The following CLDN18 variants were observed in gnomAD, a reference collection of about 807,000 sequenced individuals.
The protein encoded by CLDN18 is claudin-18.
In CLDN18, 20 loss-of-function variants were observed where a neutral mutation model predicts 25.0. The observed-to-expected ratio is 0.80, with a 90% CI of 0.56 to 1.16. CLDN18 has a LOEUF of 1.16. CLDN18 is among the 50% of genes most tolerant of loss of function. The pLI is 0.00. For synonymous variants in CLDN18, 125 were observed against 135.6 expected (o/e 0.92, Z 0.54); for missense variants, 297 against 345.4 (o/e 0.86, Z 1.11).
At position 138,033,466 on chromosome 3, in the gene CLDN18, C is replaced by A. The variant is rs767582259; in HGVS notation, c.*2325C>A. On this transcript the variant is annotated 3_prime_UTR_variant, in exon 5 of 5. Transcript: ENST00000183605. ...GTCCCTGGTCAGGTCTCAGGTAGTG[C>A]GGTGTGGCTCAGCTGGGTTTTTAAT... The A allele has an allele frequency of 6.6e-6, 1 of 152,198 alleles. No individual in the cohort carries two copies. Among genetic ancestry groups the A allele is most frequent in the Admixed American group, 6.5e-5 (1 of 15,280 alleles). 9.4% of individuals were successfully genotyped at this position (152,198 alleles called of 1,614,324 possible). A position where few individuals can be genotyped will look rare whatever the true frequency, so the allele number is the denominator to read the frequency against.
At position 138,031,933 on chromosome 3, in the gene CLDN18, C is replaced by A. The variant is rs1048255097; in HGVS notation, c.*792C>A. The A allele has an allele frequency of 2.0e-5, 3 of 152,144 alleles. No individual in the cohort carries two copies. The highest frequency in any genetic ancestry group is 7.2e-5 in the African/African-American group (3 of 41,416). 9.4% of individuals were successfully genotyped at this position (152,144 alleles called of 1,614,324 possible). On this transcript the variant is annotated 3_prime_UTR_variant, in exon 5 of 5. Coordinates refer to ENST00000183605, the MANE Select transcript of CLDN18 (RefSeq NM_016369.4). ...ATGTTTTAGTAAAATGATACACTAT[C>A]TCTGTGAAATAGCCTCACCCCTACA... is the stretch of plus-strand genomic sequence containing the variant.
chr3:138,018,629 C>T (rs1942237800), intron 1 of CLDN18, among the ~76,000 whole-genome samples: 1 of 151,986 alleles, frequency 6.6e-6, no homozygotes, highest in African/African-American at 2.4e-5. Context: ...AGCCACCGCA[C>T]CCGGCCCTCA....
rs78373500 is a variant in CLDN18 at position 138,030,195 on chromosome 3, C to A, written c.614+288C>A. Among the ~76,000 whole-genome samples, 87 of 152,300 alleles carry A rather than the reference C, an allele frequency of 5.7e-4. 2 individuals are homozygous for A. In the East Asian group the frequency reaches 0.016, roughly 28 times the overall value. ...TTCTCAACTAGGAGCAATTTCCCCC[C>A]CAGGGGATATCTGGCAACACGTGAA... On this transcript the variant is annotated intron_variant, in intron 4 of 4. Transcript: ENST00000183605.
chr3:138,007,411 G>C (rs1942080632), upstream of CLDN18, among the ~76,000 whole-genome samples: 3 of 152,310 alleles, frequency 2.0e-5, no homozygotes, highest in South Asian at 6.2e-4. Context: ...GATGAAGCTA[G>C]AAGCCATCAT....
chr3:138,028,324 C>A (rs1311721370), intron 3 of CLDN18, among the ~76,000 whole-genome samples: 9 of 152,222 alleles, frequency 5.9e-5, no homozygotes, highest in African/African-American at 2.2e-4. Flanking sequence ...CTCGGCCTCC[C>A]AAAGTGCTGG....
In CLDN18 at chr3:138,010,332, AC is replaced by A; in HGVS notation, c.108del (p.Tyr36Ter). ...GACATGTGGAGCACCCAGGACCTGT[AC>A]GACAACCCCGTCACCTCCGTGTTCC... Reference protein sequence around the residue: ...GMDMWSTQDLYDNPVTSVFQY... With the variant: ...GMDMWSTQDLXDNPVTSVFQY... On this transcript the variant is annotated frameshift_variant, in exon 1 of 5. Transcript: ENST00000183605. LOFTEE classifies it high-confidence loss of function. 6.2e-7 allele frequency: 1 copy of A among 1,614,156 alleles called. No homozygotes were observed. Among genetic ancestry groups the A allele is most frequent in the Non-Finnish European group, 8.5e-7 (1 of 1,180,012 alleles).
upstream of CLDN18, among the ~76,000 whole-genome samples, chr3:138,006,677 T>A (rs1009950312): frequency 1.3e-5 from 2 of 152,178 alleles, no homozygotes; most frequent in Admixed American, 1.3e-4. Context: ...AAAATAGTAG[T>A]CTGCTCAGAG....
chr3:138,025,052 A>G (rs941683204), intron 3 of CLDN18, among the ~76,000 whole-genome samples: 3 of 152,244 alleles, frequency 2.0e-5, no homozygotes, highest in Admixed American at 1.3e-4. Flanking sequence ...ATGAACATCA[A>G]CTTACATCTA....
chr3:138,024,621 G>A lies in CLDN18; in HGVS notation c.400G>A (p.Ala134Thr), dbSNP rs776936834. ...MFIVSGLCAI[A>T]GVSVFANMLV... ...TTTGCCCACAGGTCTTTGTGCAATTGCTGGAGTGTCTGTGTTTGCCAACAT... is the reference window on the plus strand; with the variant it reads ...TTTGCCCACAGGTCTTTGTGCAATTACTGGAGTGTCTGTGTTTGCCAACAT... The change falls in exon 3 of 5, where the codon GCT becomes ACT. Residue 134 changes from alanine (A) to threonine (T), a missense_variant. Ala to Thr is a moderately conservative substitution (Grantham distance 58). Coordinates refer to ENST00000183605, the MANE Select transcript of CLDN18 (RefSeq NM_016369.4). The A allele has an allele frequency of 1.4e-5, 23 of 1,610,390 alleles. No homozygotes were observed. Among genetic ancestry groups the A allele is most frequent in the Middle Eastern group, 1.6e-4 (1 of 6,082 alleles).
At chr3:138,017,174 GTTC>G (rs1942216470) in intron 1 of CLDN18, among the ~76,000 whole-genome samples, 1 of 152,038 alleles carries the variant, frequency 6.6e-6, no homozygotes, top group African/African-American at 2.4e-5. Flanking sequence ...TAGGACATTT[GTTC>G]TTCTAGCCTT....
intron 1 of CLDN18, among the ~76,000 whole-genome samples, chr3:138,022,795 T>C (rs1014212554): frequency 5.3e-5 from 8 of 152,260 alleles, no homozygotes; most frequent in Admixed American, 6.5e-5. Flanking sequence ...CACTTTGGCA[T>C]AAGCTCCATG....
intron 1 of CLDN18, 21 bp downstream of exon 1, chr3:138,010,466 G>C: frequency 1.2e-6 from 2 of 1,612,572 alleles, no homozygotes; most frequent in Non-Finnish European, 1.7e-6. Flanking sequence ...TGCACCCCGG[G>C]GTAGAGCCAG....
At chr3:138,003,384 T>A (rs1942038225) in intron 1 of CLDN18, among the ~76,000 whole-genome samples, 1 of 152,168 alleles carries the variant, frequency 6.6e-6, no homozygotes, top group Admixed American at 6.5e-5. Context: ...TAACAACAGA[T>A]ATGAATTACC....
intron 1 of CLDN18, among the ~76,000 whole-genome samples, chr3:138,019,383 C>T (rs1162251476): frequency 1.3e-5 from 2 of 152,188 alleles, no homozygotes; most frequent in African/African-American, 4.8e-5. Context: ...TCTGAGCTCC[C>T]CGACTTTGGG....
chr3:138,018,824 A>G (rs1218591067), intron 1 of CLDN18, among the ~76,000 whole-genome samples: 1 of 152,200 alleles, frequency 6.6e-6, no homozygotes, highest in Admixed American at 6.5e-5. Context: ...TGCCTCTCCC[A>G]TCAGCTAGCT....
At chr3:138,010,144 C>G, upstream of CLDN18, 1 of 1,528,396 alleles carries the variant, frequency 6.5e-7, no homozygotes, top group South Asian at 1.3e-5. Flanking sequence ...GAAGAGCTCC[C>G]CTCAGGAGCG....
chr3:137,998,927 G>T, exon 1 of CLDN18: 1 of 1,614,242 alleles, frequency 6.2e-7, no homozygotes, highest in Non-Finnish European at 8.5e-7. Flanking sequence ...GGGATTGCGG[G>T]CATCATTGCT....
exon 1 of CLDN18, chr3:137,998,968 G>C: frequency 6.2e-7 from 1 of 1,614,228 alleles, no homozygotes; most frequent in East Asian, 2.2e-5. Context: ...GAGCACCCAA[G>C]ACTTGTACAA....
At chr3:138,008,285 C>A (rs1250208323), upstream of CLDN18, among the ~76,000 whole-genome samples, 1 of 151,330 alleles carries the variant, frequency 6.6e-6, no homozygotes, top group Non-Finnish European at 1.5e-5. Context: ...GCCTTGAGGT[C>A]CAGATTTTGG....
Sources: gnomAD v4.1 joint callset for allele counts (sites outside exome capture counted in the v4.1 genomes callset) on GRCh38, gnomAD v4.1.1 for gene constraint, MANE v1.5 for transcripts, NCBI Gene and HGNC (gene_info 2026-07-23, HGNC 2026-07-21) for gene names.